Variants in ZNF365 observed in about 807,000 individuals in gnomAD.
ZNF365 encodes zinc finger protein 365.
In ZNF365, 22 loss-of-function variants were observed where a neutral mutation model predicts 35.0. The ratio of observed to expected loss-of-function variants is 0.63; its 90% confidence interval spans 0.45 to 0.90. ZNF365 has a LOEUF of 0.90. Ranked by LOEUF, ZNF365 falls within the 40% of genes least tolerant of loss-of-function variation. ZNF365 has a pLI of 0.00. For missense variants in ZNF365, 448 were observed against 500.3 expected (o/e 0.90, Z 1.00); for synonymous variants, 188 against 196.2 (o/e 0.96, Z 0.35).
chr10:62,446,576 C>A (rs1442294444), intron 3 of ZNF365, among the ~76,000 whole-genome samples: 1 of 148,584 alleles, frequency 6.7e-6, no homozygotes. Flanking sequence ...GAAACAGCAA[C>A]AGTTTCAGAT....
intron 3 of ZNF365, among the ~76,000 whole-genome samples, chr10:62,447,431 GTA>G (rs1205026745): frequency 6.6e-6 from 1 of 152,180 alleles, no homozygotes; most frequent in African/African-American, 2.4e-5. Context: ...CTGTAAAGAA[GTA>G]TGTCTTCACT....
At position 62,399,996 on chromosome 10, in the gene ZNF365, C is replaced by T; in HGVS notation, c.*207C>T. ...TTTTATTATAACCCCCTTTTAGAAG[C>T]TTGCAAATTACAGAAAGAATAAAAA... On this transcript the variant is annotated 3_prime_UTR_variant, in exon 5 of 5. Transcript: ENST00000395254. 1 of 1,332,944 alleles carries T rather than the reference C, an allele frequency of 7.5e-7. No individual in the cohort carries two copies. Among genetic ancestry groups the T allele is most frequent in the Non-Finnish European group, 9.6e-7 (1 of 1,044,308 alleles). 82.6% of individuals were successfully genotyped at this position (1,332,944 alleles called of 1,614,324 possible). A position where few individuals can be genotyped will look rare whatever the true frequency, so the allele number is the denominator to read the frequency against.
chr10:62,414,625 C>T (rs928895065), intron 3 of ZNF365, among the ~76,000 whole-genome samples: 4 of 152,162 alleles, frequency 2.6e-5, no homozygotes, highest in African/African-American at 9.7e-5. Flanking sequence ...TATGGCATCT[C>T]CCTAGTTTCT....
At chr10:62,453,339 G>A (rs934130626) in intron 3 of ZNF365, among the ~76,000 whole-genome samples, 4 of 152,034 alleles carry the variant, frequency 2.6e-5, no homozygotes, top group Non-Finnish European at 4.4e-5. Context: ...CAATGTCCAC[G>A]TGGACACATT....
At chr10:62,456,604 A>T (rs1208342666) in intron 3 of ZNF365, among the ~76,000 whole-genome samples, 1 of 152,238 alleles carries the variant, frequency 6.6e-6, no homozygotes, top group Non-Finnish European at 1.5e-5. Context: ...CAGAGGCAGA[A>T]CTGGCATTAG....
intron 4 of ZNF365, among the ~76,000 whole-genome samples, chr10:62,467,920 G>A (rs1193245263): frequency 1.3e-5 from 2 of 152,052 alleles, no homozygotes; most frequent in Non-Finnish European, 2.9e-5. Context: ...TTCACACTGA[G>A]ACCCATCATC....
At chr10:62,459,131 C>A (rs1840806603) in intron 3 of ZNF365, among the ~76,000 whole-genome samples, 1 of 152,176 alleles carries the variant, frequency 6.6e-6, no homozygotes, top group South Asian at 2.1e-4. Context: ...CTGAGGATGG[C>A]TAAAACACAC....
chr10:62,383,114 G>T (rs1330536681), intron 2 of ZNF365, among the ~76,000 whole-genome samples: 1 of 152,190 alleles, frequency 6.6e-6, no homozygotes, highest in African/African-American at 2.4e-5. Flanking sequence ...CTCTGTGTTG[G>T]TTAATGATTT....
intron 4 of ZNF365, among the ~76,000 whole-genome samples, chr10:62,462,310 A>G: frequency 6.6e-6 from 1 of 152,242 alleles, no homozygotes. Flanking sequence ...TTCCTTGCTT[A>G]AGGCAATAAA....
chr10:62,402,726 G>T (rs1185392226), downstream of ZNF365, among the ~76,000 whole-genome samples: 1 of 152,114 alleles, frequency 6.6e-6, no homozygotes, highest in Non-Finnish European at 1.5e-5. Flanking sequence ...ACAACCATGA[G>T]TAATTTTCCT....
intron 3 of ZNF365, among the ~76,000 whole-genome samples, chr10:62,441,137 A>T (rs771625096): frequency 3.0e-3 from 463 of 152,310 alleles, no homozygotes; most frequent in Non-Finnish European, 5.3e-3. Flanking sequence ...TATTATTATT[A>T]TCCCCATTTT....
exon 5 of ZNF365, chr10:62,480,076 C>T (rs144963168): frequency 0.014 from 18,289 of 1,334,680 alleles, 164 homozygotes; most frequent in Middle Eastern, 0.019. Context: ...GGTTCAGACT[C>T]CTGATGGATG....
chr10:62,442,118 G>A (rs1355652949), intron 3 of ZNF365, among the ~76,000 whole-genome samples: 1 of 152,174 alleles, frequency 6.6e-6, no homozygotes, highest in Non-Finnish European at 1.5e-5. Context: ...TGACACTCTT[G>A]CCTTGGAGTG....
chr10:62,463,663 A>T (rs1384488785), intron 4 of ZNF365, among the ~76,000 whole-genome samples: 2 of 152,238 alleles, frequency 1.3e-5, no homozygotes, highest in Non-Finnish European at 2.9e-5. Flanking sequence ...ATGGTAAATA[A>T]ATCATAATGG....
rs758463434 is a variant in ZNF365, at chr10:62,376,869, G to T, written c.676G>T (p.Val226Leu). 6 of 1,614,146 alleles carry T rather than the reference G, an allele frequency of 3.7e-6. No individual in the cohort carries two copies. Among genetic ancestry groups the T allele is most frequent in the Middle Eastern group, 1.6e-4 (1 of 6,062 alleles). ...RALNRQVDVA[V>L]EMIAVLRQRL... ...CTTAAACAGACAGGTGGACGTGGCC[G>T]TGGAAATGATAGCTGTACTGAGGCA... is the stretch of plus-strand genomic sequence containing the variant. The change falls in exon 2 of 5, where the codon GTG (valine) becomes TTG (leucine). Residue 226 changes from valine to leucine, a missense_variant. This residue lies in a region of ZNF365 where 362 missense variants were observed against 375.7 expected (regional missense o/e 0.96). Transcript: ENST00000395254.
intron 3 of ZNF365, among the ~76,000 whole-genome samples, chr10:62,417,587 C>T (rs146915806): frequency 1.3e-5 from 2 of 152,104 alleles, no homozygotes; most frequent in East Asian, 3.9e-4. Flanking sequence ...AGATGTGATT[C>T]AACATCCACG....
chr10:62,463,043 A>C (rs1840873601), intron 4 of ZNF365, among the ~76,000 whole-genome samples: 1 of 152,346 alleles, frequency 6.6e-6, no homozygotes, highest in Admixed American at 6.5e-5. Context: ...TCATTTAGCT[A>C]GTGCCCTGAT....
chr10:62,445,127 AG>A (rs1393721619), intron 3 of ZNF365, among the ~76,000 whole-genome samples: 1 of 151,252 alleles, frequency 6.6e-6, no homozygotes, highest in African/African-American at 2.4e-5. Context: ...ATGGCTGCAT[AG>A]TATTCCATGG....
At chr10:62,423,950 G>A (rs1589447708) in intron 3 of ZNF365, among the ~76,000 whole-genome samples, 1 of 152,268 alleles carries the variant, frequency 6.6e-6, no homozygotes, top group East Asian at 1.9e-4. Context: ...TATGGAGTCT[G>A]AAGTATATTA....
Sources: allele counts gnomAD v4.1 joint callset (sites outside exome capture counted in the v4.1 genomes callset), GRCh38; gene constraint gnomAD v4.1.1; regional missense constraint gnomAD v4.1.1; transcripts MANE v1.5; gene names NCBI Gene and HGNC (gene_info 2026-07-23, HGNC 2026-07-21).